Variants in CYFIP2 observed in about 807,000 individuals in gnomAD.
CYFIP2 encodes cytoplasmic FMR1 interacting protein 2.
CYFIP2 carries 29 observed loss-of-function variants against 158.7 expected under a neutral mutation model. The ratio of observed to expected loss-of-function variants is 0.18; its 90% CI spans 0.14 to 0.25. The LOEUF is 0.25. CYFIP2 is among the 10% of genes least tolerant of loss of function. The pLI is 1.00. For missense variants in CYFIP2, 852 were observed against 1,639.5 expected, an observed-to-expected ratio of 0.52 and a Z score of 8.29; for synonymous variants, 585 against 617.6, an observed-to-expected ratio of 0.95 and a Z score of 0.78.
intron 26 of CYFIP2, among the ~76,000 whole-genome samples, chr5:157,369,914 C>A (rs1764832131): frequency 7.9e-6 from 1 of 126,726 alleles, no homozygotes; most frequent in African/African-American, 3.2e-5. Context: ...CAGAGTCTTG[C>A]TCTGTAACCC....
At chr5:157,296,177 C>T (rs1014869887) in intron 4 of CYFIP2, among the ~76,000 whole-genome samples, 2 of 152,180 alleles carry the variant, frequency 1.3e-5, no homozygotes, top group Non-Finnish European at 2.9e-5. Flanking sequence ...CCAATGTCTG[C>T]GGAGCACTTC....
In CYFIP2 at chr5:157,360,424, C is replaced by G. The variant is rs1581139183; in HGVS notation, c.2908+52C>G. On this transcript the variant is annotated intron_variant, in intron 25 of 30. Transcript: ENST00000620254. Reference sequence around the variant, plus strand: ...CCCTCCCATGGTGGGGAGGGAGGCTCTGACCATCCACCTTAGAGCGTTTGC... The same window carrying G: ...CCCTCCCATGGTGGGGAGGGAGGCTGTGACCATCCACCTTAGAGCGTTTGC... The G allele has an allele frequency of 2.0e-6, 3 of 1,490,206 alleles. No homozygotes were observed. In the East Asian group the frequency reaches 6.8e-5, roughly 34 times the overall value. 92.3% of individuals were successfully genotyped at this position (1,490,206 alleles called of 1,614,324 possible).
chr5:157,367,482 G>T (rs1476363606), intron 26 of CYFIP2, among the ~76,000 whole-genome samples: 1 of 152,160 alleles, frequency 6.6e-6, no homozygotes, highest in Non-Finnish European at 1.5e-5. Context: ...CAGGAGTCTG[G>T]ATGAAAACCA....
At chr5:157,307,726 A>T (rs370195474) in intron 8 of CYFIP2, 35 bp from the exon 9 acceptor site, 21 of 1,377,316 alleles carry the variant, frequency 1.5e-5, no homozygotes, top group African/African-American at 1.1e-4. Flanking sequence ...AGCAGATGTG[A>T]TTAGTTTCTA....
Position 157,341,094 on chromosome 5 carries a change from C to T in CYFIP2, c.2610C>T (p.Phe870=). 6.2e-7 allele frequency: 1 copy of T among 1,614,036 alleles called. No homozygotes were observed. Among genetic ancestry groups the T allele is most frequent in the South Asian group, 1.1e-5 (1 of 91,082 alleles). The change falls in exon 23 of 31, where the codon TTC becomes TTT. Residue 870 remains phenylalanine (F), a synonymous_variant. Transcript: ENST00000620254. Reference sequence around the variant, plus strand: ...GTTTTGTGCGGACTGCCATTCCTTTCACCCAAGAACCACAACGAGACAAAC... The same window carrying T: ...GTTTTGTGCGGACTGCCATTCCTTTTACCCAAGAACCACAACGAGACAAAC... ...TNRFVRTAIP[F]TQEPQRDKPA...
chr5:157,311,032 G>C lies in CYFIP2; in HGVS notation c.993-632G>C, dbSNP rs1244774363. ...TTTCCTAATGACATCTTTTCACAAGGCGTGGAAAAAAGGCGGAGGGAAGGA... is the reference window on the plus strand; with the variant it reads ...TTTCCTAATGACATCTTTTCACAAGCCGTGGAAAAAAGGCGGAGGGAAGGA... On this transcript the variant is annotated intron_variant, in intron 10 of 30. Transcript: ENST00000620254. The surrounding 1 kb of genome is among the most constrained non-coding windows in gnomAD (Gnocchi z 4.7). 2.2e-6 allele frequency: 1 copy of C among 454,654 alleles called. No individual in the cohort carries two copies. The highest frequency in any genetic ancestry group is 1.6e-5 in the South Asian group (1 of 64,510). 28.2% of individuals were successfully genotyped at this position (454,654 alleles called of 1,614,324 possible). A position where few individuals can be genotyped will look rare whatever the true frequency, so the allele number is the denominator to read the frequency against.
intron 28 of CYFIP2, 74 bp from the exon 29 acceptor site, chr5:157,389,115 G>A (rs1336489901): frequency 3.9e-5 from 56 of 1,428,216 alleles, no homozygotes; most frequent in African/African-American, 7.1e-5. Flanking sequence ...TCCAGAGTTC[G>A]GGAATCTGTG....
At chr5:157,282,376 G>A (rs185759651) in intron 1 of CYFIP2, among the ~76,000 whole-genome samples, 1 of 152,128 alleles carries the variant, frequency 6.6e-6, no homozygotes, top group Admixed American at 6.5e-5. Flanking sequence ...CATCACCAAG[G>A]GGATGGCCCA....
At chr5:157,390,470 GC>G in intron 29 of CYFIP2, 50 bp from the exon 30 acceptor site, 1 of 1,202,634 alleles carries the variant, frequency 8.3e-7, no homozygotes. Context: ...CTCCCTCCCT[GC>G]CCTCCTCCCC....
In CYFIP2 at chr5:157,296,170, A is replaced by G. The variant is rs117340122; in HGVS notation, c.286-503A>G. Among the ~76,000 whole-genome samples the G allele has an allele frequency of 9.2e-4, 140 of 152,312 alleles. No individual in the cohort carries two copies. The East Asian group carries it at 0.016, about 17-fold the overall frequency. ...CCAACTGGTTCCTTTCCTGCAGCCA[A>G]TGTCTGCGGAGCACTTCTGCCCCCT... On this transcript the variant is annotated intron_variant, in intron 4 of 30. Coordinates refer to ENST00000620254, the MANE Select transcript of CYFIP2 (RefSeq NM_001037333.3).
intron 23 of CYFIP2, among the ~76,000 whole-genome samples, chr5:157,355,545 C>G (rs1048405477): frequency 6.6e-6 from 1 of 152,158 alleles, no homozygotes; most frequent in Non-Finnish European, 1.5e-5. Flanking sequence ...GAGCATCTAA[C>G]TAGTGCATTT....
chr5:157,360,175 C>G, intron 24 of CYFIP2, 107 bp from the exon 25 acceptor site: 1 of 870,200 alleles, frequency 1.1e-6, no homozygotes, highest in African/African-American at 1.7e-5. Flanking sequence ...GACTGTTCCC[C>G]GCCTTTAGGC....
chr5:157,303,933 A>G (rs1308752124), intron 7 of CYFIP2, among the ~76,000 whole-genome samples: 2 of 151,854 alleles, frequency 1.3e-5, no homozygotes, highest in Non-Finnish European at 2.9e-5. Context: ...CAAGAAGCCT[A>G]TTGCTGTAAA....
intron 26 of CYFIP2, chr5:157,375,620 G>A (rs1477893113): frequency 7.3e-6 from 1 of 137,444 alleles, no homozygotes; most frequent in Admixed American, 8.0e-5. Flanking sequence ...TTCTTAAAAC[G>A]TTGATTTTTT....
intron 22 of CYFIP2, 119 bp downstream of exon 22, chr5:157,339,375 C>G: frequency 1.2e-6 from 1 of 847,922 alleles, no homozygotes; most frequent in Non-Finnish European, 1.9e-6. Context: ...CTCTCAGAGC[C>G]CCTCCTGGGC....
intron 10 of CYFIP2, 72 bp downstream of exon 10, chr5:157,309,906 T>C: frequency 9.5e-6 from 13 of 1,370,156 alleles, no homozygotes; most frequent in African/African-American, 1.4e-5. Flanking sequence ...GAGGGGCCAC[T>C]TCAGCCCCTC....
At chr5:157,274,140 A>AC (rs1205099231) in intron 1 of CYFIP2, among the ~76,000 whole-genome samples, 1 of 152,026 alleles carries the variant, frequency 6.6e-6, no homozygotes, top group African/African-American at 2.4e-5. Flanking sequence ...AAAAAAAAAA[A>AC]AAAAAAAAAC....
chr5:157,335,664 C>A (rs988412055), intron 21 of CYFIP2, among the ~76,000 whole-genome samples: 45 of 152,200 alleles, frequency 3.0e-4, no homozygotes, highest in Non-Finnish European at 6.0e-4. Flanking sequence ...CCTACCCACC[C>A]ACCTAAGTCC....
rs780950364 is a variant in CYFIP2, at chr5:157,361,453, C to T, written c.2909-15C>T. 1.5e-5 allele frequency: 25 copies of T among 1,613,646 alleles called. No homozygotes were observed. Among genetic ancestry groups the T allele is most frequent in the East Asian group, 2.2e-5 (1 of 44,868 alleles). On this transcript the variant is annotated splice_polypyrimidine_tract_variant and intron_variant, in intron 25 of 30. Coordinates refer to ENST00000620254, the MANE Select transcript of CYFIP2 (RefSeq NM_001037333.3). This position sits in a 1 kb window ranked among gnomAD's most constrained non-coding sequence, Gnocchi z 4.4. ...AGTGTCAACTTCCCACTGACCACCC[C>T]GATTCACCTCCCAGGGATCCTGGAG...
Sources: allele counts gnomAD v4.1 joint callset (sites outside exome capture counted in the v4.1 genomes callset), GRCh38; gene constraint gnomAD v4.1.1; non-coding constraint Gnocchi (gnomAD v3.1); transcripts MANE v1.5; gene names NCBI Gene and HGNC (gene_info 2026-07-23, HGNC 2026-07-21).